PTPRM: variants seen among roughly 807,000 people sequenced by gnomAD.
PTPRM encodes the protein receptor-type tyrosine-protein phosphatase mu.
A neutral mutation model predicts 186.7 loss-of-function variants in PTPRM; 47 were observed. The observed-to-expected ratio is 0.25, with a 90% CI of 0.20 to 0.32. PTPRM has a LOEUF of 0.32. Among genes scored for constraint, PTPRM ranks in the 10% least tolerant of loss-of-function variants. The probability of loss-of-function intolerance (pLI) is 1.00; values close to 1 mark genes in which losing one functional copy is unlikely to be tolerated. For synonymous variants in PTPRM, 668 were observed against 674.9 expected (o/e 0.99, Z 0.16); for missense variants, 1,494 against 1,865.0 (o/e 0.80, Z 3.66).
chr18:7,878,956 G>A (rs746701136), intron 2 of PTPRM, among the ~76,000 whole-genome samples: 1 of 152,160 alleles, frequency 6.6e-6, no homozygotes, highest in Admixed American at 6.5e-5. Flanking sequence ...CTCAATTGTT[G>A]TATGTGTGGC....
At chr18:7,717,703 A>G (rs574081454) in intron 1 of PTPRM, among the ~76,000 whole-genome samples, 2 of 152,332 alleles carry the variant, frequency 1.3e-5, no homozygotes, top group African/African-American at 4.8e-5. Context: ...CTGGGGCTTC[A>G]GGAGTGGCAG....
chr18:8,387,160 T>G lies in PTPRM; in HGVS notation c.4133T>G (p.Leu1378Trp). ...ACACCAGTGTCTAAGCGCTCCTTCT[T>G]GAAGCTCATTCGCCAGGTGGACAAG... ...RDTPVSKRSF[L>W]KLIRQVDKWQ... Residue 1378 changes from leucine to tryptophan, a missense_variant, in exon 31 of 33, where the codon TTG becomes TGG. By Grantham distance (61) the Leu-to-Trp change is moderately conservative. This residue lies in a region of PTPRM where 1,107 missense variants were observed against 1,350.2 expected (regional missense o/e 0.82). Transcript: ENST00000580170. The G allele has an allele frequency of 6.2e-7, 1 of 1,613,444 alleles. No individual in the cohort carries two copies. Among genetic ancestry groups the G allele is most frequent in the Non-Finnish European group, 8.5e-7 (1 of 1,179,352 alleles).
intron 7 of PTPRM, among the ~76,000 whole-genome samples, chr18:7,985,147 G>A (rs1301674326): frequency 2.1e-4 from 21 of 100,688 alleles, no homozygotes; most frequent in South Asian, 3.2e-4. Flanking sequence ...ACATATAATT[G>A]TATATACACA....
chr18:8,070,700 A>G (rs1396326426), intron 8 of PTPRM, among the ~76,000 whole-genome samples: 4 of 152,214 alleles, frequency 2.6e-5, no homozygotes, highest in Admixed American at 2.0e-4. Context: ...GACACAGGGA[A>G]CCCTTGTGTG....
chr18:8,086,283 T>C (rs1378404258), intron 10 of PTPRM, among the ~76,000 whole-genome samples: 1 of 152,082 alleles, frequency 6.6e-6, no homozygotes, highest in Non-Finnish European at 1.5e-5. Flanking sequence ...CTCCTTGGGA[T>C]CTCTACCATA....
intron 1 of PTPRM, among the ~76,000 whole-genome samples, chr18:7,569,366 T>G (rs945779390): frequency 2.0e-5 from 3 of 152,178 alleles, no homozygotes; most frequent in East Asian, 1.9e-4. Flanking sequence ...TCTCCAAGTT[T>G]TGTGTTTCCC....
intron 1 of PTPRM, among the ~76,000 whole-genome samples, chr18:7,683,530 A>G (rs951124793): frequency 6.6e-5 from 10 of 152,112 alleles, no homozygotes; most frequent in Admixed American, 4.6e-4. Flanking sequence ...CTTCAGTGAC[A>G]AGTAAAGTAT....
intron 7 of PTPRM, among the ~76,000 whole-genome samples, chr18:7,978,420 T>G (rs2055101593): frequency 6.6e-6 from 1 of 152,220 alleles, no homozygotes; most frequent in African/African-American, 2.4e-5. Context: ...GTAAACAGTT[T>G]ATTTTAAATT....
intron 3 of PTPRM, among the ~76,000 whole-genome samples, chr18:7,901,662 C>T (rs2049694460): frequency 6.6e-6 from 1 of 151,984 alleles, no homozygotes; most frequent in African/African-American, 2.4e-5. Context: ...CTGTGCCTGG[C>T]CTGAGCTGCA....
intron 7 of PTPRM, among the ~76,000 whole-genome samples, chr18:7,999,995 C>A (rs2083771692): frequency 6.6e-6 from 1 of 152,044 alleles, no homozygotes; most frequent in Non-Finnish European, 1.5e-5. Context: ...GCCAGGAAAA[C>A]AAAAAGAAAA....
chr18:7,902,440 T>C (rs1233549429), intron 3 of PTPRM, among the ~76,000 whole-genome samples: 1 of 152,166 alleles, frequency 6.6e-6, no homozygotes, highest in Non-Finnish European at 1.5e-5. Context: ...GAGTTGATAC[T>C]AGCAGGCTGA....
chr18:8,308,183 A>G (rs1343154073), intron 20 of PTPRM, among the ~76,000 whole-genome samples: 6 of 152,222 alleles, frequency 3.9e-5, no homozygotes, highest in East Asian at 3.8e-4. Flanking sequence ...AGCCCTCAGA[A>G]ACAGAAGAGG....
At chr18:8,243,272 T>C (rs996543385) in intron 14 of PTPRM, among the ~76,000 whole-genome samples, 1 of 152,188 alleles carries the variant, frequency 6.6e-6, no homozygotes, top group Non-Finnish European at 1.5e-5. Context: ...CTCTCTGCTT[T>C]TTTTTCATTC....
chr18:7,778,572 C>G (rs1204520952), intron 2 of PTPRM, among the ~76,000 whole-genome samples: 1 of 152,084 alleles, frequency 6.6e-6, no homozygotes, highest in African/African-American at 2.4e-5. Context: ...CCTTCCCGCC[C>G]TGGTTCAAGC....
intron 4 of PTPRM, among the ~76,000 whole-genome samples, chr18:7,921,583 TG>T (rs1186700923): frequency 6.6e-6 from 1 of 152,120 alleles, no homozygotes; most frequent in Non-Finnish European, 1.5e-5. Flanking sequence ...GGTTTCACTG[TG>T]TTAGCCAGGA....
intron 31 of PTPRM, among the ~76,000 whole-genome samples, chr18:8,393,508 G>A (rs1029503962): frequency 1.3e-5 from 2 of 152,176 alleles, no homozygotes; most frequent in Non-Finnish European, 2.9e-5. Context: ...CTACATGCAC[G>A]ACTGGATCCT....
intron 5 of PTPRM, among the ~76,000 whole-genome samples, chr18:7,947,425 T>C (rs1044276159): frequency 2.6e-5 from 4 of 152,150 alleles, no homozygotes; most frequent in African/African-American, 9.7e-5. Flanking sequence ...AATGAAAATA[T>C]CACAGATAAA....
chr18:8,117,945 C>T (rs1172559751), intron 13 of PTPRM, among the ~76,000 whole-genome samples: 1 of 152,088 alleles, frequency 6.6e-6, no homozygotes, highest in Admixed American at 6.5e-5. Context: ...TTTGGTCCAA[C>T]TGTGTTTTAG....
intron 1 of PTPRM, among the ~76,000 whole-genome samples, chr18:7,695,176 C>T: frequency 6.6e-6 from 1 of 152,174 alleles, no homozygotes; most frequent in East Asian, 1.9e-4. Context: ...GGTGCTTCGG[C>T]TCGTAATGCC....
Sources: gnomAD v4.1 joint callset for allele counts (sites outside exome capture counted in the v4.1 genomes callset) on GRCh38, gnomAD v4.1.1 for gene constraint, gnomAD v4.1.1 regional missense constraint, MANE v1.5 for transcripts, NCBI Gene and HGNC (gene_info 2026-07-23, HGNC 2026-07-21) for gene names.